The following PAPPA2 variants were observed in gnomAD, a reference collection of about 807,000 sequenced individuals.
PAPPA2 encodes the protein pappalysin 2, also known as pappalysin-2.
Under a neutral mutation model 176.4 loss-of-function variants are expected in PAPPA2, and 86 were observed. That is an observed-to-expected ratio of 0.49 (90% CI 0.41 to 0.58). The LOEUF (loss-of-function observed/expected upper bound fraction) is 0.58. PAPPA2 is among the 20% of genes least tolerant of loss of function. The pLI is 0.00. For missense variants in PAPPA2, 2,073 were observed against 2,256.9 expected (o/e 0.92, Z 1.65); for synonymous variants, 809 against 852.2 (o/e 0.95, Z 0.88).
intron 1 of PAPPA2, among the ~76,000 whole-genome samples, chr1:176,543,963 A>T (rs979125076): frequency 6.6e-5 from 10 of 152,176 alleles, no homozygotes; most frequent in African/African-American, 2.4e-4. Context: ...GAGTCACTGA[A>T]TCACCACTCA....
At chr1:176,671,571 GAA>G (rs1010371544) in intron 4 of PAPPA2, among the ~76,000 whole-genome samples, 4 of 152,082 alleles carry the variant, frequency 2.6e-5, no homozygotes, top group African/African-American at 9.7e-5. Flanking sequence ...GCTCACCGGG[GAA>G]AAGAGTGGAT....
At position 176,581,922 on chromosome 1, in the gene PAPPA2, C is replaced by CTTTCT. The variant is rs1228259093; in HGVS notation, c.920-12599_920-12598insCTTTT. On this transcript the variant is annotated intron_variant, in intron 2 of 22. Coordinates refer to ENST00000367662, the MANE Select transcript of PAPPA2 (RefSeq NM_020318.3). ...TCTTTTTTTCTTTCTTTCTTTCTTT[C>CTTTCT]TTTTTTTTTTTTTTTTTTTGAGACG... is the stretch of plus-strand genomic sequence containing the variant. Among the ~76,000 whole-genome samples, 19 of 80,998 alleles carry CTTTCT rather than the reference C, an allele frequency of 2.3e-4. 1 individual carries two copies. Among genetic ancestry groups the CTTTCT allele is most frequent in the Non-Finnish European group, 4.5e-4 (19 of 42,486 alleles). 53.1% of individuals were successfully genotyped at this position (80,998 alleles called of 152,430 possible).
chr1:176,765,426 C>T (rs1406968162), intron 14 of PAPPA2, among the ~76,000 whole-genome samples: 2 of 152,160 alleles, frequency 1.3e-5, no homozygotes, highest in Admixed American at 6.5e-5. Context: ...ACCATTTGAT[C>T]CTCCTGGAAG....
chr1:176,740,230 T>C (rs1662615458), intron 14 of PAPPA2, 34 bp downstream of exon 14: 4 of 1,579,788 alleles, frequency 2.5e-6, no homozygotes, highest in African/African-American at 1.3e-5. Context: ...TTGTTTCCTT[T>C]TCTTGTGGCT....
chr1:176,670,796 A>G (rs1658949465), intron 3 of PAPPA2, among the ~76,000 whole-genome samples, 174 bp from the exon 4 acceptor site: 1 of 152,202 alleles, frequency 6.6e-6, no homozygotes, highest in Non-Finnish European at 1.5e-5. Flanking sequence ...AGCATCCCAA[A>G]TGTGTATTAG....
At chr1:176,544,481 G>A (rs979592596) in intron 1 of PAPPA2, among the ~76,000 whole-genome samples, 3 of 152,154 alleles carry the variant, frequency 2.0e-5, no homozygotes, top group African/African-American at 7.2e-5. Context: ...GTGGTACTCT[G>A]TGTCATTCCT....
intron 2 of PAPPA2, among the ~76,000 whole-genome samples, chr1:176,563,968 A>C (rs1651812982): frequency 6.6e-6 from 1 of 151,834 alleles, no homozygotes; most frequent in Admixed American, 6.6e-5. Flanking sequence ...CTTCCATCCC[A>C]CCTTCCTTCC....
chr1:176,752,374 A>G (rs968784161), intron 14 of PAPPA2, among the ~76,000 whole-genome samples: 5 of 150,220 alleles, frequency 3.3e-5, no homozygotes, highest in African/African-American at 9.8e-5. Context: ...AACATTTACC[A>G]TTAGGCTGTT....
chr1:176,631,285 T>C lies in PAPPA2; in HGVS notation c.1991+35690T>C, dbSNP rs887134750. Among the ~76,000 whole-genome samples, 8 of 151,920 alleles carry C rather than the reference T, an allele frequency of 5.3e-5. 2 individuals are homozygous for C. Among genetic ancestry groups the C allele is most frequent in the Non-Finnish European group, 1.5e-5 (1 of 67,942 alleles). On this transcript the variant is annotated intron_variant, in intron 3 of 22. Coordinates refer to ENST00000367662, the MANE Select transcript of PAPPA2 (RefSeq NM_020318.3). ...AAACATGCCAAATGAAAGAAACAAATCACAAAAGATCACTATGATTCCACT... is the reference window on the plus strand; with the variant it reads ...AAACATGCCAAATGAAAGAAACAAACCACAAAAGATCACTATGATTCCACT...
rs142604059 is a variant in PAPPA2 at position 176,582,445 on chromosome 1, G to A, written c.920-12079G>A. On this transcript the variant is annotated intron_variant, in intron 2 of 22. Transcript: ENST00000367662. ...TTTCCCTGTTCAGTACGATATTAGCGGTCACTTATGGCCTTTATTGTGTTA... is the reference window on the plus strand; with the variant it reads ...TTTCCCTGTTCAGTACGATATTAGCAGTCACTTATGGCCTTTATTGTGTTA... Among the ~76,000 whole-genome samples, 956 of 152,118 alleles carry A rather than the reference G, an allele frequency of 6.3e-3. 6 individuals carry two copies. Among genetic ancestry groups the A allele is most frequent in the Non-Finnish European group, 0.011 (716 of 67,984 alleles).
At chr1:176,728,914 A>T (rs79293097) in intron 12 of PAPPA2, among the ~76,000 whole-genome samples, 1 of 152,018 alleles carries the variant, frequency 6.6e-6, no homozygotes, top group African/African-American at 2.4e-5. Context: ...CCCAAACCCG[A>T]TATTACCCAA....
chr1:176,581,936 T>C (rs1573075061), intron 2 of PAPPA2, among the ~76,000 whole-genome samples: 1 of 140,636 alleles, frequency 7.1e-6, no homozygotes, highest in African/African-American at 2.6e-5. Flanking sequence ...TTTTTTTTTT[T>C]TTTTTGAGAC....
chr1:176,652,977 G>A (rs1657821334), intron 3 of PAPPA2, among the ~76,000 whole-genome samples: 1 of 151,604 alleles, frequency 6.6e-6, no homozygotes, highest in South Asian at 2.1e-4. Context: ...TTTGTTCTTG[G>A]TTTTCTCTCT....
chr1:176,761,539 A>T (rs2102900823), intron 14 of PAPPA2, among the ~76,000 whole-genome samples: 1 of 152,306 alleles, frequency 6.6e-6, no homozygotes, highest in Non-Finnish European at 1.5e-5. Context: ...TTAAAAGAGA[A>T]CTGCTCAAAA....
chr1:176,556,900 C>T lies in PAPPA2; in HGVS notation c.578C>T (p.Ala193Val). Residue 193 changes from alanine (A) to valine (V), a missense_variant, in exon 2 of 23, where the codon GCC becomes GTC. Ala to Val is a moderately conservative substitution (Grantham distance 64). Coordinates refer to ENST00000367662, the MANE Select transcript of PAPPA2 (RefSeq NM_020318.3). ...PKPETQRRGW[A>V]KSRQRRQVWK... ...CCAGAGACCCAAAGGAGGGGCTGGG[C>T]CAAGTCCAGGCAGCGTCGCCAAGTG... The T allele has an allele frequency of 1.2e-6, 2 of 1,614,116 alleles. No individual in the cohort carries two copies. The highest frequency in any genetic ancestry group is 1.7e-6 in the Non-Finnish European group (2 of 1,180,030).
chr1:176,539,141 C>T (rs1388648925), intron 1 of PAPPA2, among the ~76,000 whole-genome samples: 1 of 152,158 alleles, frequency 6.6e-6, no homozygotes, highest in East Asian at 1.9e-4. Flanking sequence ...GTTCAAATGC[C>T]CGGGTGCTGG....
chr1:176,825,941 T>C (rs1666846726), intron 21 of PAPPA2, among the ~76,000 whole-genome samples: 1 of 152,092 alleles, frequency 6.6e-6, no homozygotes, highest in Admixed American at 6.5e-5. Flanking sequence ...AAAAGACAAC[T>C]GGGGATTGTT....
chr1:176,791,613 G>A lies in PAPPA2; in HGVS notation c.5020+131G>A, dbSNP rs1571333993. On this transcript the variant is annotated intron_variant, in intron 19 of 22. Coordinates refer to ENST00000367662, the MANE Select transcript of PAPPA2 (RefSeq NM_020318.3). ...CTGTCGCCCAGGCTGGGGTGCAGTG[G>A]CACAGTCTCAGCTCACTGCAACCTC... The A allele has an allele frequency of 8.4e-6, 9 of 1,066,790 alleles. No homozygotes were observed. In the East Asian group the frequency reaches 2.2e-4, roughly 26 times the overall value. 66.1% of individuals were successfully genotyped at this position (1,066,790 alleles called of 1,614,324 possible).
intron 3 of PAPPA2, among the ~76,000 whole-genome samples, chr1:176,664,865 G>A (rs1251179536): frequency 6.6e-6 from 1 of 152,170 alleles, no homozygotes; most frequent in African/African-American, 2.4e-5. Flanking sequence ...ATTCCTGGTT[G>A]ATGATGTTCT....
Sources: gnomAD v4.1 joint callset for allele counts (sites outside exome capture counted in the v4.1 genomes callset) on GRCh38, gnomAD v4.1.1 for gene constraint, MANE v1.5 for transcripts, NCBI Gene and HGNC (gene_info 2026-07-23, HGNC 2026-07-21) for gene names.